The following ORC3 variants were observed in gnomAD, a reference collection of about 807,000 sequenced individuals.
The protein encoded by ORC3 is homolog of latheo, Drosophila.
Under a neutral mutation model 100.7 loss-of-function variants are expected in ORC3, and 78 were observed. The observed-to-expected ratio is 0.77, with a 90% CI of 0.65 to 0.94. ORC3 has a LOEUF of 0.94. Ranked by LOEUF, ORC3 falls within the 40% of genes least tolerant of loss-of-function variation. ORC3 has a pLI of 0.00. For missense variants in ORC3, 789 were observed against 823.9 expected, an observed-to-expected ratio of 0.96 and a Z score of 0.52; for synonymous variants, 295 against 289.3, an observed-to-expected ratio of 1.02 and a Z score of -0.20.
At chr6:87,590,236 T>A in intron 1 of ORC3, 44 bp downstream of exon 1, 6 of 1,599,598 alleles carry the variant, frequency 3.8e-6, no homozygotes, top group Non-Finnish European at 5.1e-6. Context: ...CGCTGCCTCA[T>A]TCCCCTTTGA....
intron 11 of ORC3, among the ~76,000 whole-genome samples, chr6:87,629,586 G>T (rs1044862230): frequency 2.0e-5 from 2 of 100,586 alleles, no homozygotes; most frequent in African/African-American, 9.3e-5. Context: ...AGATTCAGGG[G>T]GTTACAGGTG....
At chr6:87,625,066 G>A (rs1779798383) in intron 11 of ORC3, among the ~76,000 whole-genome samples, 1 of 152,160 alleles carries the variant, frequency 6.6e-6, no homozygotes, top group Non-Finnish European at 1.5e-5. Flanking sequence ...TGGTGTATAT[G>A]TGCCACATTT....
At chr6:87,634,612 T>A (rs571767722) in intron 11 of ORC3, among the ~76,000 whole-genome samples, 2 of 152,348 alleles carry the variant, frequency 1.3e-5, no homozygotes, top group African/African-American at 4.8e-5. Context: ...TATCAGGAGA[T>A]TAAAATACAG....
At chr6:87,597,708 C>T (rs13213622) in intron 2 of ORC3, among the ~76,000 whole-genome samples, 5 of 141,986 alleles carry the variant, frequency 3.5e-5, no homozygotes, top group African/African-American at 1.3e-4. Context: ...CACACACACA[C>T]ACATATATAT....
intron 3 of ORC3, among the ~76,000 whole-genome samples, chr6:87,602,684 A>G (rs896621749): frequency 4.0e-5 from 6 of 151,382 alleles, no homozygotes; most frequent in African/African-American, 1.5e-4. Flanking sequence ...CTGAATCTGG[A>G]TTGTTATATC....
chr6:87,614,697 G>C (rs984575861), intron 8 of ORC3, among the ~76,000 whole-genome samples: 1 of 152,106 alleles, frequency 6.6e-6, no homozygotes, highest in Non-Finnish European at 1.5e-5. Context: ...TCTGGGGCAG[G>C]GGCAAAATGC....
rs756785812 is a variant in ORC3 at position 87,621,997 on chromosome 6, A to G, written c.1169A>G (p.Asn390Ser). 1.3e-5 allele frequency: 21 copies of G among 1,607,830 alleles called. No individual in the cohort carries two copies. Among genetic ancestry groups the G allele is most frequent in the African/African-American group, 1.2e-4 (9 of 74,772 alleles). Residue 390 changes from asparagine (N) to serine (S), a missense_variant, in exon 11 of 20, where the codon AAT becomes AGT. Asn to Ser is a conservative substitution (Grantham distance 46). Around this residue, in one of 3 missense-constraint regions of ORC3, gnomAD observed 366 missense variants for 394.2 expected, o/e 0.93. Transcript: ENST00000392844. ...ASEKQVALLT[N>S]ERYLKEETQL... Reference sequence around the variant, plus strand: ...GAAAAGCAAGTTGCGCTCTTGACCAATGAGAGATATTTGAAGGTAGGAATG... The same window carrying G: ...GAAAAGCAAGTTGCGCTCTTGACCAGTGAGAGATATTTGAAGGTAGGAATG...
chr6:87,670,040 T>G (rs1582107493), downstream of ORC3, among the ~76,000 whole-genome samples: 1 of 152,250 alleles, frequency 6.6e-6, no homozygotes, highest in East Asian at 1.9e-4. Flanking sequence ...CTGAGTAGAG[T>G]AAGTAGCCAT....
intron 11 of ORC3, among the ~76,000 whole-genome samples, chr6:87,625,811 A>G (rs1175365675): frequency 6.6e-6 from 1 of 152,094 alleles, no homozygotes; most frequent in Non-Finnish European, 1.5e-5. Context: ...TAGCGTTTTT[A>G]TGGTTTTAGG....
intron 5 of ORC3, 55 bp from the exon 6 acceptor site, chr6:87,607,618 G>C: frequency 1.4e-6 from 2 of 1,423,136 alleles, no homozygotes; most frequent in South Asian, 2.8e-5. Context: ...CAAGAGCTTT[G>C]GTTTTATTTT....
chr6:87,607,459 A>G (rs1056786059), intron 5 of ORC3, among the ~76,000 whole-genome samples: 1 of 152,084 alleles, frequency 6.6e-6, no homozygotes, highest in Non-Finnish European at 1.5e-5. Context: ...TAATATACAT[A>G]AGCTTTGGTT....
rs1562356803 is a variant in ORC3, at chr6:87,634,533, G to A, written c.1186-312G>A. On this transcript the variant is annotated intron_variant, in intron 11 of 19. Coordinates refer to ENST00000392844, the MANE Select transcript of ORC3 (RefSeq NM_012381.4). Reference sequence around the variant, plus strand: ...CACACCAGGTGATGGGCACAGGCAAGCATCCACTAAGGTGCTTTCTTGCAT... The same window carrying A: ...CACACCAGGTGATGGGCACAGGCAAACATCCACTAAGGTGCTTTCTTGCAT... Among the ~76,000 whole-genome samples the A allele has an allele frequency of 3.3e-5, 5 of 152,224 alleles. 1 individual carries two copies. In the South Asian group the frequency reaches 8.3e-4, roughly 25 times the overall value.
chr6:87,599,354 A>ATTAT (rs71021304), intron 2 of ORC3, among the ~76,000 whole-genome samples: 46,241 of 144,986 alleles, frequency 0.32, 7,620 homozygotes, highest in Admixed American at 0.42. Flanking sequence ...TCTTTTTTTT[A>ATTAT]TTATTTATTT....
At chr6:87,626,485 T>C (rs967080227) in intron 11 of ORC3, among the ~76,000 whole-genome samples, 4 of 152,150 alleles carry the variant, frequency 2.6e-5, no homozygotes, top group Admixed American at 6.6e-5. Flanking sequence ...AATTTTCTTA[T>C]ATAGAAAGTA....
Position 87,595,880 on chromosome 6 carries a change from C to T in ORC3, c.79+1473C>T, listed in dbSNP as rs116548398. On this transcript the variant is annotated intron_variant, in intron 2 of 19. Coordinates refer to ENST00000392844, the MANE Select transcript of ORC3 (RefSeq NM_012381.4). ...ACAGGGTCTCAGTCTGTCACCCAGGCTTCAGTTCGGCGGCCTGATCATAGC... is the reference window on the plus strand; with the variant it reads ...ACAGGGTCTCAGTCTGTCACCCAGGTTTCAGTTCGGCGGCCTGATCATAGC... Among the ~76,000 whole-genome samples, 887 of 152,274 alleles carry T rather than the reference C, an allele frequency of 5.8e-3. 5 individuals are homozygous for T. Among genetic ancestry groups the T allele is most frequent in the African/African-American group, 0.019 (769 of 41,530 alleles).
chr6:87,624,093 G>A (rs1450049858), intron 11 of ORC3, among the ~76,000 whole-genome samples: 1 of 152,220 alleles, frequency 6.6e-6, no homozygotes, highest in East Asian at 1.9e-4. Flanking sequence ...TATACAGTGA[G>A]AAATATGAAA....
At chr6:87,666,594 A>G (rs1356046371) in intron 19 of ORC3, among the ~76,000 whole-genome samples, 1 of 150,916 alleles carries the variant, frequency 6.6e-6, no homozygotes, top group Non-Finnish European at 1.5e-5. Context: ...GCCTGCCACC[A>G]TGCCTGGCTA....
At chr6:87,666,817 G>A (rs909701626) in intron 19 of ORC3, among the ~76,000 whole-genome samples, 1 of 152,106 alleles carries the variant, frequency 6.6e-6, no homozygotes, top group African/African-American at 2.4e-5. Flanking sequence ...ATTAGATTTA[G>A]GAAGCATTAA....
chr6:87,664,855 C>G lies in ORC3; in HGVS notation c.1946C>G (p.Ser649Ter). 1.3e-6 allele frequency: 2 copies of G among 1,585,382 alleles called. No homozygotes were observed. Among genetic ancestry groups the G allele is most frequent in the Non-Finnish European group, 8.7e-7 (1 of 1,155,190 alleles). Residue 649 changes from serine to a stop codon, truncating the protein, a stop_gained, in exon 18 of 20, where the codon TCA becomes TGA. Coordinates refer to ENST00000392844, the MANE Select transcript of ORC3 (RefSeq NM_012381.4). LOFTEE classifies it high-confidence loss of function. ...CSRLINLVDW[S>*]EAFATVVTAA... ...AGGCTCATCAACCTCGTGGACTGGT[C>G]AGAGGTAGGTTGTAGGGAAAAGAAC...
Sources: allele counts gnomAD v4.1 joint callset (sites outside exome capture counted in the v4.1 genomes callset), GRCh38; gene constraint gnomAD v4.1.1; regional missense constraint gnomAD v4.1.1; transcripts MANE v1.5; gene names NCBI Gene and HGNC (gene_info 2026-07-23, HGNC 2026-07-21).